The following KLHL1 variants were observed in gnomAD, a reference collection of about 807,000 sequenced individuals.
KLHL1 encodes kelch like family member 1, also known as kelch-like protein 1.
Under a neutral mutation model 77.7 loss-of-function variants are expected in KLHL1, and 47 were observed. The observed-to-expected ratio is 0.60, with a 90% confidence interval of 0.48 to 0.77. The LOEUF is 0.77. KLHL1 is among the 30% of genes least tolerant of loss of function. The pLI is 0.00. For synonymous variants in KLHL1, 360 were observed against 325.2 expected (o/e 1.11, Z -1.15); for missense variants, 925 against 910.8 (o/e 1.02, Z -0.20).
At chr13:69,910,506 CACT>C (rs1882201105) in intron 4 of KLHL1, among the ~76,000 whole-genome samples, 1 of 151,916 alleles carries the variant, frequency 6.6e-6, no homozygotes, top group Admixed American at 6.6e-5. Context: ...ATTAAGAAAC[CACT>C]ACTATGTTTC....
At chr13:69,839,682 A>G (rs1879165171) in intron 5 of KLHL1, among the ~76,000 whole-genome samples, 1 of 152,012 alleles carries the variant, frequency 6.6e-6, no homozygotes, top group Admixed American at 6.6e-5. Flanking sequence ...TATATAAGGA[A>G]TTTAAAAGTT....
At chr13:69,905,650 A>C (rs767774930) in intron 4 of KLHL1, among the ~76,000 whole-genome samples, 1 of 152,102 alleles carries the variant, frequency 6.6e-6, no homozygotes, top group Non-Finnish European at 1.5e-5. Context: ...TCATGCTTTA[A>C]GTTTTTAAGC....
intron 5 of KLHL1, among the ~76,000 whole-genome samples, chr13:69,854,087 T>C (rs1200663338): frequency 6.6e-6 from 1 of 152,102 alleles, no homozygotes; most frequent in Non-Finnish European, 1.5e-5. Flanking sequence ...GATTTTGTAA[T>C]CCATAAAGTC....
chr13:69,848,807 C>T (rs986981751), intron 5 of KLHL1, among the ~76,000 whole-genome samples: 4 of 151,272 alleles, frequency 2.6e-5, no homozygotes, highest in Non-Finnish European at 5.9e-5. Context: ...TAATAATTGG[C>T]CAAGCTGACA....
At chr13:70,033,771 C>A (rs534822372) in intron 1 of KLHL1, among the ~76,000 whole-genome samples, 3 of 151,846 alleles carry the variant, frequency 2.0e-5, no homozygotes, top group East Asian at 3.9e-4. Flanking sequence ...AGGCACGCAC[C>A]ACCACAGCCG....
chr13:69,723,848 T>TC (rs55772300), intron 8 of KLHL1, among the ~76,000 whole-genome samples: 57 of 146,598 alleles, frequency 3.9e-4, no homozygotes, highest in African/African-American at 1.1e-3. Flanking sequence ...GAATTTTTTT[T>TC]TTTTTTTTTT....
At chr13:69,815,782 A>C (rs1345330658) in intron 6 of KLHL1, among the ~76,000 whole-genome samples, 1 of 152,182 alleles carries the variant, frequency 6.6e-6, no homozygotes, top group Non-Finnish European at 1.5e-5. Context: ...AGGTGGCCCA[A>C]GATGAAAGAT....
At chr13:69,938,297 T>C (rs139116375) in intron 4 of KLHL1, among the ~76,000 whole-genome samples, 1,788 of 152,230 alleles carry the variant, frequency 0.012, 16 homozygotes, top group Middle Eastern at 0.048. Flanking sequence ...TTTGAAATCA[T>C]TTAAATTTCA....
chr13:70,044,155 A>G (rs1401915913), intron 1 of KLHL1, among the ~76,000 whole-genome samples: 1 of 152,004 alleles, frequency 6.6e-6, no homozygotes, highest in Non-Finnish European at 1.5e-5. Flanking sequence ...TTCTCTTACT[A>G]CTTCTCACAG....
At chr13:69,731,625 T>C (rs1461847696) in intron 8 of KLHL1, among the ~76,000 whole-genome samples, 1 of 152,212 alleles carries the variant, frequency 6.6e-6, no homozygotes, top group Non-Finnish European at 1.5e-5. Context: ...CTTTATACAT[T>C]ACTGCAGAAT....
intron 1 of KLHL1, among the ~76,000 whole-genome samples, chr13:70,058,614 GAATT>G (rs1303041528): frequency 7.2e-5 from 11 of 152,084 alleles, no homozygotes; most frequent in African/African-American, 2.7e-4. Context: ...TGGATTGGAA[GAATT>G]AATATTTTTA....
At chr13:70,054,765 A>T (rs1480238891) in intron 1 of KLHL1, among the ~76,000 whole-genome samples, 2 of 151,882 alleles carry the variant, frequency 1.3e-5, no homozygotes, top group Non-Finnish European at 2.9e-5. Context: ...GAGCTGAAAA[A>T]TTCAAAAGAA....
chr13:69,997,553 G>A (rs1419255430), intron 1 of KLHL1, among the ~76,000 whole-genome samples: 9 of 151,004 alleles, frequency 6.0e-5, no homozygotes, highest in African/African-American at 7.3e-5. Context: ...GTAAAATTAT[G>A]TAGTACTTGT....
intron 1 of KLHL1, among the ~76,000 whole-genome samples, chr13:70,092,554 A>T (rs1887694001): frequency 6.6e-6 from 1 of 152,184 alleles, no homozygotes; most frequent in African/African-American, 2.4e-5. Flanking sequence ...TATTAGATAC[A>T]AAGTTTAATT....
chr13:69,912,522 C>A (rs1163883930), intron 4 of KLHL1, among the ~76,000 whole-genome samples: 1 of 152,186 alleles, frequency 6.6e-6, no homozygotes, highest in African/African-American at 2.4e-5. Flanking sequence ...AATCATTTTA[C>A]AGCACTGAAT....
chr13:69,840,763 A>G, intron 5 of KLHL1, among the ~76,000 whole-genome samples: 1 of 150,614 alleles, frequency 6.6e-6, no homozygotes, highest in Non-Finnish European at 1.5e-5. Flanking sequence ...GAAAGTTTTG[A>G]AAGGACTACT....
intron 7 of KLHL1, among the ~76,000 whole-genome samples, chr13:69,790,547 T>C (rs984905216): frequency 6.6e-6 from 1 of 151,872 alleles, no homozygotes; most frequent in African/African-American, 2.4e-5. Flanking sequence ...TTCCACAAAA[T>C]ACTAACAAAC....
chr13:69,849,147 G>A (rs1343977678), intron 5 of KLHL1, among the ~76,000 whole-genome samples: 1 of 151,264 alleles, frequency 6.6e-6, no homozygotes, highest in Non-Finnish European at 1.5e-5. Context: ...TTTTGTCCAA[G>A]GTGCTATAAT....
At chr13:69,875,247 A>T (rs1158800253) in intron 5 of KLHL1, among the ~76,000 whole-genome samples, 2 of 152,092 alleles carry the variant, frequency 1.3e-5, no homozygotes, top group Admixed American at 6.6e-5. Context: ...TTTAATAATT[A>T]TAAAAAATAA....
Sources: gnomAD v4.1 joint callset for allele counts (sites outside exome capture counted in the v4.1 genomes callset) on GRCh38, gnomAD v4.1.1 for gene constraint, MANE v1.5 for transcripts, NCBI Gene and HGNC (gene_info 2026-07-23, HGNC 2026-07-21) for gene names.